The following OTOF variants were observed in gnomAD, a reference collection of about 807,000 sequenced individuals.
The protein encoded by OTOF is fer-1-like family member 2.
In OTOF, 218 loss-of-function variants were observed where a neutral mutation model predicts 236.8. The ratio of observed to expected loss-of-function variants is 0.92; its 90% confidence interval spans 0.82 to 1.03. The LOEUF is 1.03. OTOF is among the 50% of genes least tolerant of loss of function. The pLI, the probability that OTOF is intolerant of heterozygous loss-of-function variation, is 0.00. For synonymous variants in OTOF, 1,041 were observed against 1,072.5 expected (o/e 0.97, Z 0.57); for missense variants, 2,590 against 2,694.4 (o/e 0.96, Z 0.86).
rs118104952 is a variant in OTOF at position 26,474,733 on chromosome 2, G to A, written c.3127-59C>T. 289 of 1,585,312 alleles carry A rather than the reference G, an allele frequency of 1.8e-4. 1 individual carries two copies. In the East Asian group the frequency reaches 6.2e-3, roughly 34 times the overall value. On this transcript the variant is annotated intron_variant, in intron 25 of 46. Transcript: ENST00000272371. The stretch of plus-strand genomic sequence containing the variant: ...GCTTGCTGTCCACACCTGTGATCTC[G>A]TTTGGTCCTTACCACAGCGCCATGA...
In OTOF at chr2:26,501,801, G is replaced by C. The variant is rs759273810; in HGVS notation, c.718C>G (p.Pro240Ala). Residue 240 changes from proline to alanine, a missense_variant, in exon 8 of 47, where the codon CCA becomes GCA. By Grantham distance (27) the Pro-to-Ala change is conservative. Transcript: ENST00000272371. ...TTNVSNKRSK[P>A]DIKMEPSAGR... ...GCACTTGGCTCCATCTTAATGTCTG[G>C]CTTAGATCTGAGGAAGAGAATGTAC... 5 of 1,613,160 alleles carry C rather than the reference G, an allele frequency of 3.1e-6. No individual in the cohort carries two copies. In the African/African-American group the frequency reaches 6.7e-5, roughly 22 times the overall value.
In OTOF at chr2:26,473,891, C is replaced by A; in HGVS notation, c.3408+100G>T. 1 of 1,508,684 alleles carries A rather than the reference C, an allele frequency of 6.6e-7. No homozygotes were observed. The highest frequency in any genetic ancestry group is 1.4e-5 in the African/African-American group (1 of 72,902). The allele number at this position is 1,508,684 out of a possible 1,614,324, so 93.5% of individuals were successfully genotyped here. ...GGCAGGAGCCTGGGTCTGCTGCTGGCTCCTGGTGATGGTGGTGGGAGGGGG... is the reference window on the plus strand; with the variant it reads ...GGCAGGAGCCTGGGTCTGCTGCTGGATCCTGGTGATGGTGGTGGGAGGGGG... On this transcript the variant is annotated intron_variant, in intron 27 of 46. Coordinates refer to ENST00000272371, the MANE Select transcript of OTOF (RefSeq NM_194248.3). This position sits in a 1 kb window ranked among gnomAD's most constrained non-coding sequence, Gnocchi z 7.2.
At chr2:26,524,139 G>A (rs1666745071) in intron 3 of OTOF, among the ~76,000 whole-genome samples, 2 of 152,258 alleles carry the variant, frequency 1.3e-5, no homozygotes, top group Non-Finnish European at 2.9e-5. Flanking sequence ...TTGGATGGGG[G>A]CAGGGAGGGA....
intron 33 of OTOF, 45 bp from the exon 34 acceptor site, chr2:26,467,546 A>C: frequency 6.2e-7 from 1 of 1,600,876 alleles, no homozygotes; most frequent in Non-Finnish European, 8.5e-7. Flanking sequence ...TGAGCAGAGC[A>C]GGAAGGCCTG....
chr2:26,512,713 G>T (rs1207113519), intron 5 of OTOF, among the ~76,000 whole-genome samples: 1 of 152,196 alleles, frequency 6.6e-6, no homozygotes, highest in Admixed American at 6.5e-5. Context: ...CTGAGAAGGT[G>T]CTTGGACAGC....
Position 26,464,076 on chromosome 2 carries a change from G to C in OTOF, c.4991C>G (p.Ala1664Gly). Residue 1664 changes from alanine (A) to glycine (G), a missense_variant, in exon 40 of 47, where the codon GCG becomes GGG. Ala to Gly is a moderately conservative substitution (Grantham distance 60). This residue lies in a region of OTOF where 1,211 missense variants were observed against 1,352.8 expected (regional missense o/e 0.90). Transcript: ENST00000272371. ...GQRKPTDEHV[A>G]LLALRHWEDI... The stretch of plus-strand genomic sequence containing the variant: ...CTCCCAGTGCCTCAGGGCCAACAGC[G>C]CCACATGCTCGTCTGTGGGCTTCCT... The C allele has an allele frequency of 6.2e-7, 1 of 1,613,614 alleles. No homozygotes were observed. The highest frequency in any genetic ancestry group is 1.1e-5 in the South Asian group (1 of 91,086).
intron 37 of OTOF, 46 bp from the exon 38 acceptor site, chr2:26,465,888 G>C (rs371490726): frequency 1.2e-6 from 2 of 1,614,156 alleles, no homozygotes; most frequent in Non-Finnish European, 1.7e-6. Context: ...TGGCTAGGGT[G>C]GGAGGTGTTC....
rs147595264 is a variant in OTOF at position 26,484,563 on chromosome 2, G to A, written c.1116C>T (p.Tyr372=). 8.6e-5 allele frequency: 139 copies of A among 1,613,960 alleles called. 3 individuals carry two copies. In the African/African-American group the frequency reaches 1.4e-3, roughly 17 times the overall value. Reference sequence around the variant, plus strand: ...CCACCACGGCAACGTCACACTTCACGTAGCCCTTCAGCCCCGAGGAGATGT... The same window carrying A: ...CCACCACGGCAACGTCACACTTCACATAGCCCTTCAGCCCCGAGGAGATGT... ...PDDISSGLKG[Y]VKCDVAVVGK... is the part of the protein sequence containing the mutation. Residue 372 remains tyrosine (Y), a synonymous_variant, in exon 12 of 47, where the codon TAC becomes TAT. Coordinates refer to ENST00000272371, the MANE Select transcript of OTOF (RefSeq NM_194248.3).
intron 9 of OTOF, among the ~76,000 whole-genome samples, chr2:26,494,243 C>T (rs1385086785): frequency 6.6e-6 from 1 of 152,206 alleles, no homozygotes; most frequent in African/African-American, 2.4e-5. Flanking sequence ...CTCTGAGGTC[C>T]CTCACCCTTG....
chr2:26,461,964 C>T lies in OTOF; in HGVS notation c.5292-27G>A. 6.2e-7 allele frequency: 1 copy of T among 1,613,960 alleles called. No individual in the cohort carries two copies. Among genetic ancestry groups the T allele is most frequent in the Non-Finnish European group, 8.5e-7 (1 of 1,179,974 alleles). On this transcript the variant is annotated intron_variant, in intron 42 of 46. Coordinates refer to ENST00000272371, the MANE Select transcript of OTOF (RefSeq NM_194248.3). This position sits in a 1 kb window ranked among gnomAD's most constrained non-coding sequence, Gnocchi z 6.2. ...TGTGGGCGCCACATCTCCAGACCCGCAGCCAGGCTGGTGGGGCCTCTCCCA... is the reference window on the plus strand; with the variant it reads ...TGTGGGCGCCACATCTCCAGACCCGTAGCCAGGCTGGTGGGGCCTCTCCCA...
At chr2:26,489,190 T>A (rs774383746) in intron 11 of OTOF, 21 bp downstream of exon 11, 1 of 1,578,448 alleles carries the variant, frequency 6.3e-7, no homozygotes, top group South Asian at 1.1e-5. Context: ...CTCGACTGAC[T>A]GGCCATGCGC....
intron 1 of OTOF, among the ~76,000 whole-genome samples, chr2:26,556,769 C>A (rs917459853): frequency 3.3e-5 from 5 of 152,184 alleles, no homozygotes; most frequent in African/African-American, 4.8e-5. Context: ...TACCCCTGAA[C>A]CTTGGTTTCT....
chr2:26,479,169 TG>T, intron 18 of OTOF, 94 bp downstream of exon 18: 2 of 1,509,162 alleles, frequency 1.3e-6, no homozygotes, highest in African/African-American at 1.4e-5. Context: ...TGCAGCCCCC[TG>T]GGCAGACCAG....
chr2:26,484,948 G>T (rs1250421060), intron 11 of OTOF, among the ~76,000 whole-genome samples: 2 of 152,206 alleles, frequency 1.3e-5, no homozygotes, highest in African/African-American at 4.8e-5. Context: ...CAGTCAGCCA[G>T]CCTTCACATA....
chr2:26,494,149 A>T (rs1360235868), intron 9 of OTOF, among the ~76,000 whole-genome samples: 1 of 152,032 alleles, frequency 6.6e-6, no homozygotes, highest in Non-Finnish European at 1.5e-5. Flanking sequence ...TATCAGCAAC[A>T]CTCTCTGAGA....
At chr2:26,531,982 A>C (rs1223296413) in intron 2 of OTOF, among the ~76,000 whole-genome samples, 1 of 150,494 alleles carries the variant, frequency 6.6e-6, no homozygotes, top group East Asian at 1.9e-4. Context: ...AATCTCAGCT[A>C]CTTGGGAGGC....
At chr2:26,486,308 G>A (rs1310305265) in intron 11 of OTOF, among the ~76,000 whole-genome samples, 2 of 150,540 alleles carry the variant, frequency 1.3e-5, no homozygotes, top group Non-Finnish European at 3.0e-5. Context: ...GTAGACAGGC[G>A]GGTGGGTGGG....
At chr2:26,485,650 C>T (rs1313020500) in intron 11 of OTOF, among the ~76,000 whole-genome samples, 1 of 152,224 alleles carries the variant, frequency 6.6e-6, no homozygotes, top group Non-Finnish European at 1.5e-5. Context: ...GGGCACTGAA[C>T]TCTCAGGGAC....
intron 16 of OTOF, among the ~76,000 whole-genome samples, chr2:26,479,931 C>T (rs983084415): frequency 6.6e-6 from 1 of 152,268 alleles, no homozygotes; most frequent in Non-Finnish European, 1.5e-5. Flanking sequence ...AGGGCTTCTC[C>T]CTGCCCTCTG....
Sources: gnomAD v4.1 joint callset for allele counts (sites outside exome capture counted in the v4.1 genomes callset) on GRCh38, gnomAD v4.1.1 for gene constraint, gnomAD v4.1.1 regional missense constraint, Gnocchi (gnomAD v3.1) non-coding constraint, MANE v1.5 for transcripts, NCBI Gene and HGNC (gene_info 2026-07-23, HGNC 2026-07-21) for gene names.